Variants in BET1 observed in about 807,000 individuals in gnomAD.
BET1 encodes Bet1 golgi vesicular membrane trafficking protein, also known as BET1 homolog.
BET1 carries 9 observed loss-of-function variants against 13.9 expected under a neutral mutation model. The ratio of observed to expected loss-of-function variants is 0.65; its 90% confidence interval spans 0.39 to 1.13. BET1 has a LOEUF of 1.13. BET1 is among the 50% of genes most tolerant of loss of function. The probability of loss-of-function intolerance (pLI) is 0.01; values close to 1 mark genes in which losing one functional copy is unlikely to be tolerated. For synonymous variants in BET1, 39 were observed against 47.3 expected, an observed-to-expected ratio of 0.82 and a Z score of 0.72; for missense variants, 127 against 133.6, an observed-to-expected ratio of 0.95 and a Z score of 0.24.
intron 1 of BET1, 55 bp downstream of exon 1, chr7:94,004,136 TCCCGCGC>T: frequency 1.2e-6 from 2 of 1,612,890 alleles, no homozygotes; most frequent in South Asian, 2.2e-5. Flanking sequence ...TTCGATTTCC[TCCCGCGC>T]CCCAGCGCTC....
intron 5 of BET1, among the ~76,000 whole-genome samples, chr7:93,975,223 T>C (rs535272281): frequency 6.6e-5 from 10 of 152,194 alleles, no homozygotes; most frequent in African/African-American, 2.2e-4. Context: ...TTGAAAAATG[T>C]CTGTAATTTA....
chr7:93,989,265 C>T (rs1399603965), downstream of BET1, among the ~76,000 whole-genome samples: 2 of 151,956 alleles, frequency 1.3e-5, no homozygotes, highest in Admixed American at 6.6e-5. Context: ...CCATCTACCT[C>T]GGCCTTCCAA....
intron 4 of BET1, among the ~76,000 whole-genome samples, chr7:93,984,752 A>T (rs1015217348): frequency 2.6e-5 from 4 of 151,944 alleles, no homozygotes; most frequent in South Asian, 2.1e-4. Context: ...TGCGTGATTT[A>T]AAAAAAAGTC....
downstream of BET1, chr7:93,992,142 G>A (rs1795649706): frequency 4.1e-6 from 4 of 985,156 alleles, no homozygotes; most frequent in Non-Finnish European, 4.8e-6. Flanking sequence ...ACACAGTGAT[G>A]TGAAGGAGCA....
At chr7:93,972,149 C>T (rs531323285) in intron 6 of BET1, among the ~76,000 whole-genome samples, 5 of 151,876 alleles carry the variant, frequency 3.3e-5, no homozygotes, top group East Asian at 3.9e-4. Flanking sequence ...TGATTGTATA[C>T]GAAGTGTTAG....
chr7:93,971,090 A>T (rs1029142043), intron 6 of BET1, among the ~76,000 whole-genome samples: 1 of 151,880 alleles, frequency 6.6e-6, no homozygotes, highest in South Asian at 2.1e-4. Flanking sequence ...ATATTGCAGT[A>T]TATTAAAACA....
chr7:94,001,868 T>C (rs1355452316), intron 1 of BET1, among the ~76,000 whole-genome samples: 1 of 152,236 alleles, frequency 6.6e-6, no homozygotes, highest in Non-Finnish European at 1.5e-5. Flanking sequence ...ACTGCTATTT[T>C]TTCTTTCCTT....
intron 4 of BET1, among the ~76,000 whole-genome samples, chr7:93,980,230 C>G (rs1795403822): frequency 1.3e-5 from 2 of 152,276 alleles, no homozygotes; most frequent in Non-Finnish European, 2.9e-5. Flanking sequence ...CCTTCTCAAA[C>G]TCCCTCAGAA....
chr7:93,984,861 G>C (rs1795496279), intron 4 of BET1, among the ~76,000 whole-genome samples: 1 of 152,074 alleles, frequency 6.6e-6, no homozygotes, highest in African/African-American at 2.4e-5. Flanking sequence ...CAGGACAAAA[G>C]AAAATGTCAG....
At chr7:93,985,664 T>C (rs2116081810) in intron 4 of BET1, among the ~76,000 whole-genome samples, 1 of 152,296 alleles carries the variant, frequency 6.6e-6, no homozygotes, top group African/African-American at 2.4e-5. Flanking sequence ...AACCAAATAA[T>C]GGAGAGTTTT....
At chr7:93,979,841 G>A (rs114352688) in intron 4 of BET1, among the ~76,000 whole-genome samples, 113 of 152,146 alleles carry the variant, frequency 7.4e-4, no homozygotes, top group African/African-American at 2.5e-3. Flanking sequence ...TAGACTCAAT[G>A]TACTCTAGAT....
intron 1 of BET1, among the ~76,000 whole-genome samples, chr7:94,001,479 A>C (rs1795901695): frequency 6.6e-6 from 1 of 152,134 alleles, no homozygotes; most frequent in African/African-American, 2.4e-5. Flanking sequence ...CCACCACAAA[A>C]ACCACAACAA....
chr7:93,996,874 T>C (rs962922088), intron 2 of BET1, among the ~76,000 whole-genome samples: 2 of 151,846 alleles, frequency 1.3e-5, no homozygotes, highest in Non-Finnish European at 2.9e-5. Flanking sequence ...GATCTAGAAG[T>C]ACCCATACAA....
exon 7 of BET1, chr7:93,965,029 G>A (rs1168468282): frequency 6.6e-6 from 1 of 152,042 alleles, no homozygotes; most frequent in African/African-American, 2.4e-5. Flanking sequence ...TTTTTAAAGA[G>A]TTTCTCATCT....
intron 3 of BET1, among the ~76,000 whole-genome samples, chr7:93,994,812 GT>G (rs1795726020): frequency 6.6e-6 from 1 of 152,194 alleles, no homozygotes; most frequent in Non-Finnish European, 1.5e-5. Flanking sequence ...CATCCAAAAT[GT>G]AATACGGTTA....
downstream of BET1, among the ~76,000 whole-genome samples, chr7:93,989,679 TCA>T (rs1490679259): frequency 1.3e-5 from 2 of 152,238 alleles, no homozygotes; most frequent in South Asian, 4.1e-4. Flanking sequence ...TTCTTGGTGC[TCA>T]GTTTTCACTG....
In BET1 at chr7:93,993,481, C is replaced by A; in HGVS notation, c.*749G>T. 2.0e-6 allele frequency: 2 copies of A among 981,166 alleles called. No individual in the cohort carries two copies. The highest frequency in any genetic ancestry group is 2.4e-6 in the Non-Finnish European group (2 of 824,152). 60.8% of individuals were successfully genotyped at this position (981,166 alleles called of 1,614,324 possible). On this transcript the variant is annotated 3_prime_UTR_variant, in exon 4 of 4. Transcript: ENST00000222547. ...TTAAAGTTCAGTAATTACTTAACTT[C>A]ACATTATTCTGTCACAAATGATAAA...
intron 1 of BET1, 32 bp from the exon 2 acceptor site, chr7:93,999,326 A>G (rs1795843783): frequency 6.4e-7 from 1 of 1,571,294 alleles, no homozygotes; most frequent in East Asian, 2.3e-5. Flanking sequence ...AGGTGGTTCT[A>G]GAGAAGCCAC....
intron 4 of BET1, among the ~76,000 whole-genome samples, chr7:93,985,618 A>C (rs1795512159): frequency 6.6e-6 from 1 of 152,220 alleles, no homozygotes; most frequent in African/African-American, 2.4e-5. Flanking sequence ...ATGTATTCAA[A>C]CTGTATTGTA....
Sources: gnomAD v4.1 joint callset for allele counts (sites outside exome capture counted in the v4.1 genomes callset) on GRCh38, gnomAD v4.1.1 for gene constraint, MANE v1.5 for transcripts, NCBI Gene and HGNC (gene_info 2026-07-23, HGNC 2026-07-21) for gene names.